The following ACOX3 variants were observed in gnomAD, a reference collection of about 807,000 sequenced individuals.
The protein encoded by ACOX3 is peroxisomal acyl-coenzyme A oxidase 3.
Under a neutral mutation model 81.5 loss-of-function variants are expected in ACOX3, and 73 were observed. The ratio of observed to expected loss-of-function variants is 0.90; its 90% CI spans 0.74 to 1.09. ACOX3 has a LOEUF of 1.09. Among genes scored for constraint, ACOX3 ranks in the 50% least tolerant of loss-of-function variants. The pLI is 0.00. For synonymous variants in ACOX3, 387 were observed against 375.1 expected (o/e 1.03, Z -0.37); for missense variants, 947 against 928.0 (o/e 1.02, Z -0.27).
rs944794732 is a variant in ACOX3, at chr4:8,400,834, G to A, written c.777-1182C>T. Among the ~76,000 whole-genome samples the A allele has an allele frequency of 5.9e-5, 9 of 152,086 alleles. No individual in the cohort carries two copies. Among genetic ancestry groups the A allele is most frequent in the African/African-American group, 2.2e-4 (9 of 41,392 alleles). ...TTTTTCCACGAATGAGGGGGAGGTGGGAGTGGTTTCGGGATGATTCAAGCA... is the reference window on the plus strand; with the variant it reads ...TTTTTCCACGAATGAGGGGGAGGTGAGAGTGGTTTCGGGATGATTCAAGCA... On this transcript the variant is annotated intron_variant, in intron 7 of 17. Coordinates refer to ENST00000356406, the MANE Select transcript of ACOX3 (RefSeq NM_003501.3). The surrounding 1 kb of genome is among the most constrained non-coding windows in gnomAD (Gnocchi z 4.4).
At chr4:8,410,699 G>T (rs532402462) in intron 5 of ACOX3, among the ~76,000 whole-genome samples, 4 of 152,178 alleles carry the variant, frequency 2.6e-5, no homozygotes, top group South Asian at 2.1e-4. Flanking sequence ...TGTGCACTGT[G>T]GGCGGGGCTG....
In ACOX3 at chr4:8,437,389, G is replaced by T. The variant is rs1329025729; in HGVS notation, c.-15+3259C>A. Among the ~76,000 whole-genome samples, 2 of 152,084 alleles carry T rather than the reference G, an allele frequency of 1.3e-5. No individual in the cohort carries two copies. The highest frequency in any genetic ancestry group is 4.8e-5 in the African/African-American group (2 of 41,422). On this transcript the variant is annotated intron_variant, in intron 1 of 17. Transcript: ENST00000356406. This position sits in a 1 kb window ranked among gnomAD's most constrained non-coding sequence, Gnocchi z 5.2. Reference sequence around the variant, plus strand: ...AGGAGGCTAGAGACCGGTGCCAAGAGAAGAGCAAAACAAAAAGAAAGACTC... The same window carrying T: ...AGGAGGCTAGAGACCGGTGCCAAGATAAGAGCAAAACAAAAAGAAAGACTC...
intron 14 of ACOX3, among the ~76,000 whole-genome samples, chr4:8,379,449 T>A (rs1438987195): frequency 6.6e-6 from 1 of 152,166 alleles, no homozygotes; most frequent in East Asian, 1.9e-4. Context: ...GTCTGTCAGC[T>A]CCACAGCTCA....
In ACOX3 at chr4:8,371,430, G is replaced by A. The variant is rs143636234; in HGVS notation, c.1897-436C>T. 2.4e-3 allele frequency among the ~76,000 whole-genome samples: 365 copies of A among 152,278 alleles called. 1 individual carries two copies. Among genetic ancestry groups the A allele is most frequent in the African/African-American group, 8.4e-3 (351 of 41,546 alleles). On this transcript the variant is annotated intron_variant, in intron 16 of 17. Transcript: ENST00000356406. ...AGCCATAAGCATATGAAGCCTCCTC[G>A]GTTGGCGGTGGTTTTATTACTCTCC...
chr4:8,389,239 C>A lies in ACOX3; in HGVS notation c.1471G>T (p.Ala491Ser), dbSNP rs766147750. The A allele has an allele frequency of 1.9e-6, 3 of 1,613,768 alleles. No individual in the cohort carries two copies. Among genetic ancestry groups the A allele is most frequent in the Non-Finnish European group, 2.5e-6 (3 of 1,179,948 alleles). ...SPLKSVDFLDAYPGILDQKFE... is the reference protein window; with the variant it reads ...SPLKSVDFLDSYPGILDQKFE... ...TTCTGGTCAAGGATGCCGGGATAGGCGTCCAGAAAGTCCACTGACTTCAGC... is the reference window on the plus strand; with the variant it reads ...TTCTGGTCAAGGATGCCGGGATAGGAGTCCAGAAAGTCCACTGACTTCAGC... The change falls in exon 13 of 18, where the codon GCC becomes TCC. Residue 491 changes from alanine (A) to serine (S), a missense_variant. Ala to Ser is a moderately conservative substitution (Grantham distance 99, BLOSUM62 1). Coordinates refer to ENST00000356406, the MANE Select transcript of ACOX3 (RefSeq NM_003501.3). The surrounding 1 kb of genome is among the most constrained non-coding windows in gnomAD (Gnocchi z 5.3).
In ACOX3 at chr4:8,416,038, A is replaced by T. The variant is rs779505243; in HGVS notation, c.145-39T>A. 6.3e-7 allele frequency: 1 copy of T among 1,583,934 alleles called. No individual in the cohort carries two copies. The highest frequency in any genetic ancestry group is 1.1e-5 in the South Asian group (1 of 89,932). ...AGATGGGTAAGGCTTATTTGGAGTA[A>T]AAGATGGACTCTCCATGTGCCCTTA... On this transcript the variant is annotated intron_variant, in intron 2 of 17. Transcript: ENST00000356406. The surrounding 1 kb of genome is among the most constrained non-coding windows in gnomAD (Gnocchi z 4.2).
the ACOX3 span, among the ~76,000 whole-genome samples, chr4:8,360,947 C>T: frequency 2.6e-5 from 4 of 152,108 alleles, no homozygotes; most frequent in African/African-American, 9.7e-5. Context: ...GAATCCCCAA[C>T]TTACCAAGGT....
chr4:8,388,822 A>T (rs1036763553), intron 13 of ACOX3, among the ~76,000 whole-genome samples: 1 of 152,174 alleles, frequency 6.6e-6, no homozygotes, highest in Non-Finnish European at 1.5e-5. Flanking sequence ...GGGCCCAGGG[A>T]CAGCAGCAGC....
chr4:8,398,324 C>T (rs1284586760), intron 8 of ACOX3, among the ~76,000 whole-genome samples: 3 of 152,100 alleles, frequency 2.0e-5, no homozygotes, highest in Non-Finnish European at 4.4e-5. Flanking sequence ...AGAATTTTCT[C>T]TTAGAAATTC....
chr4:8,393,048 C>G (rs1719191625), intron 10 of ACOX3: 1 of 151,820 alleles, frequency 6.6e-6, no homozygotes, highest in Non-Finnish European at 1.5e-5. Context: ...TGAGCCTGAT[C>G]TCGTGAAGCT....
At chr4:8,364,867 G>A (rs116077530), downstream of ACOX3, among the ~76,000 whole-genome samples, 752 of 152,286 alleles carry the variant, frequency 4.9e-3, 1 homozygote, top group Non-Finnish European at 8.8e-3. The surrounding 1 kb of genome is among the most constrained non-coding windows in gnomAD (Gnocchi z 5.0). Context: ...GCTGTTACTT[G>A]GGAGACAAGG....
downstream of ACOX3, among the ~76,000 whole-genome samples, chr4:8,361,738 A>T (rs966881648): frequency 6.6e-6 from 1 of 152,192 alleles, no homozygotes; most frequent in East Asian, 1.9e-4. Context: ...GTTTGAACAC[A>T]TTTGTCTATA....
Position 8,367,027 on chromosome 4 carries a change from C to A in ACOX3, c.2037G>T (p.Arg679=), listed in dbSNP as rs753712805. The stretch of plus-strand genomic sequence containing the variant: ...CAGAAAACTCTGGCCACCAGGATGC[C>A]CGCTCCAACACCTTGCTTTCCTGCA... ...AVLQESKVLE[R]ASWWPEFSVN... Residue 679 remains arginine (R), a synonymous_variant, in exon 18 of 18, where the codon CGG becomes CGT. Coordinates refer to ENST00000356406, the MANE Select transcript of ACOX3 (RefSeq NM_003501.3). 1 of 1,614,118 alleles carries A rather than the reference C, an allele frequency of 6.2e-7. No individual in the cohort carries two copies. Among genetic ancestry groups the A allele is most frequent in the East Asian group, 2.2e-5 (1 of 44,888 alleles).
chr4:8,366,143 G>C (rs1353814901), downstream of ACOX3: 6 of 152,338 alleles, frequency 3.9e-5, no homozygotes, highest in African/African-American at 1.4e-4. Context: ...GCCCTGCAGG[G>C]AGCAGGAGTG....
chr4:8,413,254 CCG>C, intron 5 of ACOX3, among the ~76,000 whole-genome samples: 1 of 137,096 alleles, frequency 7.3e-6, no homozygotes, highest in Non-Finnish European at 1.6e-5. Flanking sequence ...TCCCTCCACC[CCG>C]CACCCCTCCA....
intron 5 of ACOX3, among the ~76,000 whole-genome samples, chr4:8,411,333 G>A (rs745419985): frequency 3.3e-5 from 5 of 152,222 alleles, no homozygotes; most frequent in Non-Finnish European, 5.9e-5. Context: ...TAACGTGCCG[G>A]GGAGGGCTTC....
chr4:8,370,927 A>C lies in ACOX3; in HGVS notation c.1964T>G (p.Ile655Ser), dbSNP rs751863634. 1.8e-5 allele frequency: 29 copies of C among 1,613,882 alleles called. No individual in the cohort carries two copies. The highest frequency in any genetic ancestry group is 3.3e-4 in the Middle Eastern group (2 of 6,082). The change falls in exon 17 of 18, where the codon ATT (isoleucine) becomes AGT (serine). Residue 655 changes from isoleucine to serine, a missense_variant. Transcript: ENST00000356406. This position sits in a 1 kb window ranked among gnomAD's most constrained non-coding sequence, Gnocchi z 6.3. ...CTTTACCTCGCCGTCGGCTCTGCCA[A>C]TCGGTGAGTCCAGAACAAAGTCAGG... ...APPDFVLDSPIGRADGELYKN... is the reference protein window; with the variant it reads ...APPDFVLDSPSGRADGELYKN...
At chr4:8,392,289 A>T in intron 11 of ACOX3, 44 bp downstream of exon 11, 1 of 1,415,400 alleles carries the variant, frequency 7.1e-7, no homozygotes, top group South Asian at 1.7e-5. Context: ...GTCAAACAGC[A>T]GGGCTAAGGA....
chr4:8,367,116 G>T, intron 17 of ACOX3, 36 bp from the exon 18 acceptor site: 2 of 1,603,384 alleles, frequency 1.2e-6, no homozygotes, highest in Admixed American at 3.4e-5. Context: ...TGAAGACAAA[G>T]AAATAAGAAG....
Sources: allele counts gnomAD v4.1 joint callset (sites outside exome capture counted in the v4.1 genomes callset), GRCh38; gene constraint gnomAD v4.1.1; non-coding constraint Gnocchi (gnomAD v3.1); transcripts MANE v1.5; gene names NCBI Gene and HGNC (gene_info 2026-07-23, HGNC 2026-07-21).